Variants in SRGAP3 observed in about 807,000 individuals in gnomAD.
SRGAP3 encodes SLIT-ROBO Rho GTPase activating protein 3.
SRGAP3 carries 39 observed loss-of-function variants against 121.1 expected under a neutral mutation model. The ratio of observed to expected loss-of-function variants is 0.32; its 90% CI spans 0.25 to 0.42. SRGAP3 has a LOEUF of 0.42. SRGAP3 is among the 10% of genes least tolerant of loss of function. SRGAP3 has a pLI of 1.00. For synonymous variants in SRGAP3, 601 were observed against 570.0 expected (o/e 1.05, Z -0.77); for missense variants, 1,213 against 1,470.6 (o/e 0.82, Z 2.86).
chr3:8,996,061 G>C (rs1033253927), intron 18 of SRGAP3, among the ~76,000 whole-genome samples: 1 of 152,136 alleles, frequency 6.6e-6, no homozygotes, highest in African/African-American at 2.4e-5. Flanking sequence ...TTTTTTAGTT[G>C]TGTGACCTTG....
chr3:9,123,630 G>A (rs1051099513), intron 2 of SRGAP3, among the ~76,000 whole-genome samples: 5 of 151,728 alleles, frequency 3.3e-5, no homozygotes, highest in Admixed American at 6.6e-5. Flanking sequence ...TCTTGAACCC[G>A]GGAGTTGGAG....
chr3:9,327,040 T>C (rs1955532505), intron 2 of SRGAP3, among the ~76,000 whole-genome samples: 1 of 151,836 alleles, frequency 6.6e-6, no homozygotes, highest in Non-Finnish European at 1.5e-5. Flanking sequence ...TTGTTTAATA[T>C]TACATAAAAA....
At chr3:9,068,643 G>C (rs531756111) in intron 4 of SRGAP3, among the ~76,000 whole-genome samples, 2 of 152,316 alleles carry the variant, frequency 1.3e-5, no homozygotes, top group East Asian at 3.9e-4. Context: ...GAATCCTCTA[G>C]ATGTTTCTTT....
At chr3:9,113,639 G>C (rs1234059416) in intron 2 of SRGAP3, among the ~76,000 whole-genome samples, 2 of 152,124 alleles carry the variant, frequency 1.3e-5, no homozygotes, top group Non-Finnish European at 2.9e-5. Flanking sequence ...ATCTCATCTT[G>C]AATTGTAGTA....
intron 1 of SRGAP3, among the ~76,000 whole-genome samples, chr3:9,240,394 C>T (rs186221453): frequency 1.7e-3 from 264 of 152,202 alleles, no homozygotes; most frequent in African/African-American, 6.0e-3. Flanking sequence ...CCCGTCCCTT[C>T]CTAATAGCTG....
intron 8 of SRGAP3, among the ~76,000 whole-genome samples, chr3:9,053,980 T>C (rs1945703975): frequency 6.6e-6 from 1 of 152,284 alleles, no homozygotes; most frequent in Admixed American, 6.5e-5. Flanking sequence ...TCACTCAAAG[T>C]CTGTTTCTTT....
Position 9,331,310 on chromosome 3 carries a change from T to C in SRGAP3, n.215-714A>G, listed in dbSNP as rs144555875. On this transcript the variant is annotated intron_variant and non_coding_transcript_variant, in intron 1 of 3. Coordinates refer to the SRGAP3 transcript ENST00000490889. ...TCTCTCATTTAATCCTCACAATTTA[T>C]GTAAGAGGCACTATTATTATTCCTA... Among the ~76,000 whole-genome samples, 158 of 152,328 alleles carry C rather than the reference T, an allele frequency of 1.0e-3. 2 individuals are homozygous for C. Among genetic ancestry groups the C allele is most frequent in the Non-Finnish European group, 1.7e-3 (115 of 68,036 alleles).
intron 3 of SRGAP3, among the ~76,000 whole-genome samples, chr3:9,283,401 A>C (rs1484905947): frequency 6.6e-6 from 1 of 152,230 alleles, no homozygotes. Flanking sequence ...ATATTGGAAA[A>C]TATTGGCTCA....
At chr3:9,139,014 A>C (rs932389061) in intron 1 of SRGAP3, among the ~76,000 whole-genome samples, 6 of 152,192 alleles carry the variant, frequency 3.9e-5, no homozygotes, top group Non-Finnish European at 7.3e-5. Context: ...TCACAAGAGG[A>C]GAAACTGAGG....
rs1941561489 is a variant in SRGAP3, at chr3:8,984,153, T to G, written c.*1366A>C. The G allele has an allele frequency of 4.3e-6, 1 of 230,662 alleles. No homozygotes were observed. Among genetic ancestry groups the G allele is most frequent in the Non-Finnish European group, 8.6e-6 (1 of 116,652 alleles). 14.3% of individuals were successfully genotyped at this position (230,662 alleles called of 1,614,324 possible). On this transcript the variant is annotated 3_prime_UTR_variant, in exon 22 of 22. Transcript: ENST00000383836. ...ATGCACCCATTTCTATCACCACATT[T>G]TCATCTACACTAAATGTTCTGGAGG...
chr3:9,204,015 AT>A (rs1470321190), intron 1 of SRGAP3, among the ~76,000 whole-genome samples: 1 of 152,120 alleles, frequency 6.6e-6, no homozygotes, highest in African/African-American at 2.4e-5. Flanking sequence ...GGATGTAGAT[AT>A]TACCGCTACA....
chr3:9,233,121 G>A (rs1477582895), intron 1 of SRGAP3, among the ~76,000 whole-genome samples: 2 of 152,184 alleles, frequency 1.3e-5, no homozygotes, highest in East Asian at 3.8e-4. Flanking sequence ...GCTACTGTGT[G>A]CCAAGCACTG....
At chr3:9,006,195 T>C (rs560926884) in intron 18 of SRGAP3, among the ~76,000 whole-genome samples, 1 of 151,788 alleles carries the variant, frequency 6.6e-6, no homozygotes, top group South Asian at 2.1e-4. Flanking sequence ...GGTCAGGAGA[T>C]TGAGACCTGC....
chr3:9,271,376 G>A (rs969588463), intron 3 of SRGAP3, among the ~76,000 whole-genome samples: 2 of 152,174 alleles, frequency 1.3e-5, no homozygotes, highest in African/African-American at 4.8e-5. Flanking sequence ...AGGTCTCATG[G>A]CTAAAACACT....
intron 11 of SRGAP3, chr3:9,037,740 C>T (rs1944822518): frequency 2.3e-6 from 1 of 440,406 alleles, no homozygotes; most frequent in Non-Finnish European, 4.2e-6. Flanking sequence ...GCCTCTGGCC[C>T]CTACAGGCTG....
intron 3 of SRGAP3, among the ~76,000 whole-genome samples, chr3:9,294,387 G>A (rs985051093): frequency 2.0e-5 from 3 of 152,200 alleles, no homozygotes; most frequent in Non-Finnish European, 4.4e-5. Flanking sequence ...TGGATGGTGG[G>A]AGGAGGGAGA....
chr3:9,240,508 G>A (rs748319847), intron 1 of SRGAP3, among the ~76,000 whole-genome samples: 3 of 151,998 alleles, frequency 2.0e-5, no homozygotes, highest in East Asian at 1.9e-4. Flanking sequence ...TCTTTCCAAG[G>A]TACTACTCAG....
intron 3 of SRGAP3, among the ~76,000 whole-genome samples, chr3:9,103,826 G>A (rs73017409): frequency 9.2e-5 from 14 of 152,304 alleles, no homozygotes; most frequent in South Asian, 2.1e-4. Flanking sequence ...TGCAAGGAAC[G>A]TGGGATACAG....
At chr3:9,162,888 C>T (rs1950644704) in intron 1 of SRGAP3, among the ~76,000 whole-genome samples, 1 of 152,210 alleles carries the variant, frequency 6.6e-6, no homozygotes, top group Non-Finnish European at 1.5e-5. Context: ...ACAGCAGAGG[C>T]AGTGTCTGGC....
Sources: gnomAD v4.1 joint callset for allele counts (sites outside exome capture counted in the v4.1 genomes callset) on GRCh38, gnomAD v4.1.1 for gene constraint, MANE v1.5 for transcripts, NCBI Gene and HGNC (gene_info 2026-07-23, HGNC 2026-07-21) for gene names.